The following SGCZ variants were observed in gnomAD, a reference collection of about 807,000 sequenced individuals.
SGCZ encodes the protein zeta-sarcoglycan.
In SGCZ, 40 loss-of-function variants were observed where a neutral mutation model predicts 41.3. The observed-to-expected ratio is 0.97, with a 90% CI of 0.75 to 1.26. SGCZ has a LOEUF of 1.26. SGCZ is among the 50% of genes most tolerant of loss of function. The pLI is 0.00. For synonymous variants in SGCZ, 206 were observed against 137.5 expected (o/e 1.50, Z -3.49); for missense variants, 552 against 369.8 (o/e 1.49, Z -4.04).
chr8:14,579,784 G>C (rs536939031), intron 1 of SGCZ, among the ~76,000 whole-genome samples: 1 of 152,090 alleles, frequency 6.6e-6, no homozygotes, highest in Non-Finnish European at 1.5e-5. Flanking sequence ...TGAGTTTTAC[G>C]TTCATAGGCA....
At chr8:14,725,631 A>G (rs1274141747) in intron 1 of SGCZ, among the ~76,000 whole-genome samples, 2 of 152,170 alleles carry the variant, frequency 1.3e-5, no homozygotes, top group Admixed American at 6.6e-5. Context: ...TTTAATGAAC[A>G]TTTTTTAAAA....
chr8:15,030,136 A>G (rs1234205009), intron 1 of SGCZ, among the ~76,000 whole-genome samples: 1 of 152,152 alleles, frequency 6.6e-6, no homozygotes, highest in Non-Finnish European at 1.5e-5. Context: ...CATTGTGTAC[A>G]AGATGGGAAA....
intron 1 of SGCZ, among the ~76,000 whole-genome samples, chr8:15,156,669 C>T (rs575093797): frequency 6.6e-5 from 10 of 152,156 alleles, no homozygotes; most frequent in Admixed American, 1.3e-4. Flanking sequence ...CTCGGCCAGG[C>T]GCGGTGGCTC....
intron 1 of SGCZ, among the ~76,000 whole-genome samples, chr8:14,968,581 G>A (rs548510133): frequency 6.6e-6 from 1 of 152,148 alleles, no homozygotes; most frequent in South Asian, 2.1e-4. Flanking sequence ...TTAAAATCAA[G>A]GGACTCAGTA....
intron 1 of SGCZ, among the ~76,000 whole-genome samples, chr8:14,561,111 T>C (rs1473462963): frequency 6.6e-6 from 1 of 152,096 alleles, no homozygotes; most frequent in African/African-American, 2.4e-5. Context: ...TTTAGTGCAA[T>C]AGTAGTATTA....
At chr8:14,301,997 A>G (rs1033642582) in intron 3 of SGCZ, among the ~76,000 whole-genome samples, 3 of 152,184 alleles carry the variant, frequency 2.0e-5, no homozygotes, top group Admixed American at 6.5e-5. Flanking sequence ...ATTTAGAAAT[A>G]TCTGTCAACT....
intron 5 of SGCZ, among the ~76,000 whole-genome samples, chr8:14,136,861 C>T (rs189655818): frequency 9.2e-5 from 14 of 152,280 alleles, no homozygotes; most frequent in Middle Eastern, 3.4e-3. Context: ...AGTGGGTCCC[C>T]GACCCCTCAG....
intron 1 of SGCZ, among the ~76,000 whole-genome samples, chr8:14,720,977 G>C (rs573195824): frequency 6.6e-6 from 1 of 151,804 alleles, no homozygotes; most frequent in Non-Finnish European, 1.5e-5. Context: ...AGGCCAATAA[G>C]TTCTTAACTT....
In SGCZ at chr8:15,225,958, T is replaced by C. The variant is rs139196563; in HGVS notation, c.39+11627A>G. 4.6e-3 allele frequency among the ~76,000 whole-genome samples: 695 copies of C among 152,040 alleles called. 3 individuals are homozygous for C. The highest frequency in any genetic ancestry group is 0.016 in the African/African-American group (664 of 41,544). On this transcript the variant is annotated intron_variant, in intron 1 of 7. Transcript: ENST00000382080. ...TTGATCTATGCACATCTACATTGCC[T>C]TACTCTTACTAGTCCACATTGTAAC...
chr8:14,457,579 T>C (rs1307908400), intron 2 of SGCZ, among the ~76,000 whole-genome samples: 2 of 152,216 alleles, frequency 1.3e-5, no homozygotes, highest in African/African-American at 4.8e-5. Context: ...GTCACGCTCC[T>C]AGTCCGCCTT....
chr8:14,872,010 C>G (rs1585336475), intron 1 of SGCZ, among the ~76,000 whole-genome samples: 1 of 151,690 alleles, frequency 6.6e-6, no homozygotes, highest in East Asian at 1.9e-4. Context: ...GAGTTCATGT[C>G]CTTTGCAGGA....
intron 1 of SGCZ, among the ~76,000 whole-genome samples, chr8:14,916,680 T>C (rs1170818361): frequency 6.6e-6 from 1 of 152,196 alleles, no homozygotes; most frequent in Non-Finnish European, 1.5e-5. Context: ...TGGCACCAGA[T>C]CTTGTTTTCA....
chr8:14,210,932 AG>A (rs1350124599), intron 4 of SGCZ, among the ~76,000 whole-genome samples: 1 of 152,328 alleles, frequency 6.6e-6, no homozygotes, highest in East Asian at 1.9e-4. Flanking sequence ...AGCCAGTCAA[AG>A]ACCATTCTTG....
chr8:14,598,215 G>A (rs533855371), intron 1 of SGCZ, among the ~76,000 whole-genome samples: 4 of 151,772 alleles, frequency 2.6e-5, no homozygotes, highest in African/African-American at 4.8e-5. Flanking sequence ...TTCAAGTGGG[G>A]CATTTTTTTT....
At chr8:15,055,260 C>T (rs1454598) in intron 1 of SGCZ, among the ~76,000 whole-genome samples, 112,299 of 152,080 alleles carry the variant, frequency 0.74, 42,047 homozygotes, top group East Asian at 0.89. Context: ...TACTGTATAC[C>T]TACCATAGAT....
chr8:14,181,416 A>G (rs10109838), intron 4 of SGCZ, among the ~76,000 whole-genome samples: 41,668 of 152,076 alleles, frequency 0.27, 7,915 homozygotes, highest in African/African-American at 0.53. Flanking sequence ...TACAACTCAG[A>G]CTCACTGGGG....
At chr8:14,965,866 G>T (rs1203245121) in intron 1 of SGCZ, among the ~76,000 whole-genome samples, 1 of 151,988 alleles carries the variant, frequency 6.6e-6, no homozygotes, top group Non-Finnish European at 1.5e-5. Context: ...TAATAGGATT[G>T]TATTAAAATT....
intron 1 of SGCZ, among the ~76,000 whole-genome samples, chr8:15,073,522 G>A (rs1178230406): frequency 2.6e-5 from 4 of 152,168 alleles, no homozygotes; most frequent in Non-Finnish European, 5.9e-5. Context: ...CCAAACACCA[G>A]CATAGATGTT....
chr8:14,100,375 G>A (rs1449690864), intron 7 of SGCZ, among the ~76,000 whole-genome samples: 1 of 150,954 alleles, frequency 6.6e-6, no homozygotes, highest in Non-Finnish European at 1.5e-5. Context: ...TTTATTATGA[G>A]CAATTTGAAT....
Sources: allele counts gnomAD v4.1 joint callset (sites outside exome capture counted in the v4.1 genomes callset), GRCh38; gene constraint gnomAD v4.1.1; transcripts MANE v1.5; gene names NCBI Gene and HGNC (gene_info 2026-07-23, HGNC 2026-07-21).